The following AGBL4 variants were observed in gnomAD, a reference collection of about 807,000 sequenced individuals.
AGBL4 encodes cytosolic carboxypeptidase 6.
AGBL4 carries 58 observed loss-of-function variants against 66.4 expected under a neutral mutation model. The ratio of observed to expected loss-of-function variants is 0.87; its 90% CI spans 0.71 to 1.09. AGBL4 has a LOEUF of 1.09. AGBL4 is among the 50% of genes least tolerant of loss of function. The pLI is 0.00. For missense variants in AGBL4, 579 were observed against 631.0 expected (o/e 0.92, Z 0.88); for synonymous variants, 234 against 222.9 (o/e 1.05, Z -0.44).
intron 4 of AGBL4, among the ~76,000 whole-genome samples, chr1:49,054,613 A>G (rs912244561): frequency 4.6e-5 from 7 of 152,016 alleles, no homozygotes; most frequent in Non-Finnish European, 8.8e-5. Context: ...TCTATTTTCT[A>G]TCTTCAAAAT....
chr1:49,266,973 G>A (rs977712871), intron 3 of AGBL4, among the ~76,000 whole-genome samples: 4 of 152,176 alleles, frequency 2.6e-5, no homozygotes, highest in African/African-American at 9.7e-5. Flanking sequence ...GGTCTCTGTA[G>A]AGTCAGCTGA....
intron 1 of AGBL4, among the ~76,000 whole-genome samples, chr1:49,887,150 T>C (rs142848286): frequency 8.8e-6 from 1 of 113,494 alleles, no homozygotes; most frequent in African/African-American, 2.6e-5. Flanking sequence ...TATATATATA[T>C]ATACATTGTG....
intron 1 of AGBL4, among the ~76,000 whole-genome samples, chr1:49,896,489 G>A (rs1649216947): frequency 6.6e-6 from 1 of 151,652 alleles, no homozygotes; most frequent in Non-Finnish European, 1.5e-5. Flanking sequence ...AATATTTAAA[G>A]CACTAATACC....
chr1:49,425,103 T>A (rs1278813485), intron 3 of AGBL4, among the ~76,000 whole-genome samples: 1 of 152,150 alleles, frequency 6.6e-6, no homozygotes. Flanking sequence ...ACAAAAAGAA[T>A]CGAAGATTAG....
intron 3 of AGBL4, among the ~76,000 whole-genome samples, chr1:49,367,543 C>A (rs1419513379): frequency 6.6e-6 from 1 of 152,124 alleles, no homozygotes; most frequent in Non-Finnish European, 1.5e-5. Context: ...CCTCAGGTAT[C>A]CCTTTATAGT....
intron 6 of AGBL4, among the ~76,000 whole-genome samples, chr1:48,852,220 C>T (rs1647051010): frequency 6.6e-6 from 1 of 152,024 alleles, no homozygotes; most frequent in African/African-American, 2.4e-5. Flanking sequence ...TCAAAGTTTC[C>T]ACTGCATTTT....
chr1:49,467,114 G>A (rs557852190), intron 3 of AGBL4, among the ~76,000 whole-genome samples: 2 of 151,940 alleles, frequency 1.3e-5, no homozygotes, highest in East Asian at 2.0e-4. Context: ...GTTGAATTGG[G>A]AAGGCAGCCA....
intron 1 of AGBL4, among the ~76,000 whole-genome samples, chr1:49,899,991 G>A (rs945679523): frequency 4.0e-5 from 6 of 151,722 alleles, no homozygotes; most frequent in African/African-American, 1.5e-4. Flanking sequence ...GTGGTGAGCC[G>A]AGATCGTACC....
At chr1:49,886,099 T>TA (rs1648007570) in intron 1 of AGBL4, among the ~76,000 whole-genome samples, 1 of 152,196 alleles carries the variant, frequency 6.6e-6, no homozygotes. Flanking sequence ...CCCTTGGTCT[T>TA]ACACAGGAAT....
chr1:49,365,714 A>G (rs1029538169), intron 3 of AGBL4, among the ~76,000 whole-genome samples: 3 of 151,940 alleles, frequency 2.0e-5, no homozygotes, highest in Non-Finnish European at 4.4e-5. Context: ...ACTACCCTCT[A>G]TTTCAATTCC....
At chr1:49,598,655 G>A (rs1412685595) in intron 3 of AGBL4, among the ~76,000 whole-genome samples, 1 of 152,048 alleles carries the variant, frequency 6.6e-6, no homozygotes, top group African/African-American at 2.4e-5. Context: ...TAGGCTGCTC[G>A]GGGGTCAGGG....
chr1:48,619,697 CTGAG>C (rs2148394247), intron 9 of AGBL4, among the ~76,000 whole-genome samples: 1 of 152,302 alleles, frequency 6.6e-6, no homozygotes. Flanking sequence ...AACTGGGAGC[CTGAG>C]TAAGTCAATC....
chr1:49,890,837 C>A (rs1419543770), intron 1 of AGBL4, among the ~76,000 whole-genome samples: 2 of 152,158 alleles, frequency 1.3e-5, no homozygotes, highest in Admixed American at 1.3e-4. Flanking sequence ...GACTAGATGA[C>A]TCTCTAGTAA....
intron 3 of AGBL4, among the ~76,000 whole-genome samples, chr1:49,477,015 T>C (rs1646860269): frequency 6.6e-6 from 1 of 152,088 alleles, no homozygotes; most frequent in African/African-American, 2.4e-5. Context: ...TGGGAAGGAC[T>C]GCATCTCATG....
chr1:49,700,975 A>G (rs1053014897), intron 2 of AGBL4, among the ~76,000 whole-genome samples: 1 of 152,188 alleles, frequency 6.6e-6, no homozygotes, highest in Admixed American at 6.5e-5. Context: ...TTTAAATGTG[A>G]AAGTTTGATA....
At chr1:49,983,555 T>C (rs1659253935) in intron 1 of AGBL4, among the ~76,000 whole-genome samples, 1 of 152,250 alleles carries the variant, frequency 6.6e-6, no homozygotes, top group Admixed American at 6.5e-5. Context: ...AGTGGCATCT[T>C]TGCCCTAGTT....
At chr1:49,108,601 G>A (rs577061372) in intron 4 of AGBL4, among the ~76,000 whole-genome samples, 3 of 152,316 alleles carry the variant, frequency 2.0e-5, no homozygotes, top group East Asian at 3.9e-4. Context: ...AGTGAGCAAA[G>A]CATGCTGGGA....
chr1:48,803,574 T>C (rs1281515236), intron 6 of AGBL4, among the ~76,000 whole-genome samples: 1 of 152,218 alleles, frequency 6.6e-6, no homozygotes, highest in Non-Finnish European at 1.5e-5. Context: ...AGTCATGGTA[T>C]AATGGTTTAA....
intron 3 of AGBL4, among the ~76,000 whole-genome samples, chr1:49,433,489 TG>T (rs1254786435): frequency 2.0e-5 from 3 of 152,180 alleles, no homozygotes; most frequent in Non-Finnish European, 2.9e-5. Flanking sequence ...CTGTGATGAT[TG>T]TTGAGTGAGA....
Sources: gnomAD v4.1 joint callset for allele counts (sites outside exome capture counted in the v4.1 genomes callset) on GRCh38, gnomAD v4.1.1 for gene constraint, MANE v1.5 for transcripts, NCBI Gene and HGNC (gene_info 2026-07-23, HGNC 2026-07-21) for gene names.